TMEM150C: variants seen among roughly 807,000 people sequenced by gnomAD.
TMEM150C encodes the protein transmembrane protein 150C, also known as tentonin 3.
TMEM150C carries 10 observed loss-of-function variants against 29.9 expected under a neutral mutation model. The observed-to-expected ratio is 0.33, with a 90% confidence interval of 0.21 to 0.57. The LOEUF (loss-of-function observed/expected upper bound fraction) is 0.57. Among genes scored for constraint, TMEM150C ranks in the 20% least tolerant of loss-of-function variants. The probability of loss-of-function intolerance (pLI) is 0.88; values close to 1 mark genes in which losing one functional copy is unlikely to be tolerated. For missense variants in TMEM150C, 251 were observed against 303.6 expected, an observed-to-expected ratio of 0.83 and a Z score of 1.29; for synonymous variants, 101 against 112.5, an observed-to-expected ratio of 0.90 and a Z score of 0.64.
intron 1 of TMEM150C, among the ~76,000 whole-genome samples, chr4:82,532,666 T>G (rs905010226): frequency 6.6e-6 from 1 of 152,090 alleles, no homozygotes; most frequent in African/African-American, 2.4e-5. Context: ...CTTTAAGTTA[T>G]AGGTTACAGC....
chr4:82,485,926 G>A (rs1723145570), intron 7 of TMEM150C, among the ~76,000 whole-genome samples: 1 of 152,088 alleles, frequency 6.6e-6, no homozygotes, highest in Admixed American at 6.5e-5. Context: ...ATGCTTTTAG[G>A]TGCTTTCATG....
intron 1 of TMEM150C, among the ~76,000 whole-genome samples, chr4:82,532,919 AG>A (rs1281301075): frequency 6.6e-6 from 1 of 151,972 alleles, no homozygotes; most frequent in Non-Finnish European, 1.5e-5. Context: ...TAGTACAGAC[AG>A]GGTTTCACTG....
intron 1 of TMEM150C, among the ~76,000 whole-genome samples, chr4:82,529,449 G>A (rs188950355): frequency 3.2e-4 from 49 of 152,114 alleles, no homozygotes; most frequent in African/African-American, 1.1e-3. Flanking sequence ...TGCCATGCTT[G>A]ACTAATTTTT....
At chr4:82,529,227 T>G (rs1182485701) in intron 1 of TMEM150C, among the ~76,000 whole-genome samples, 5 of 151,774 alleles carry the variant, frequency 3.3e-5, no homozygotes, top group African/African-American at 7.3e-5. Flanking sequence ...AAGAGAGTTG[T>G]TTTTTGTTTC....
Position 82,485,184 on chromosome 4 carries a change from A to G in TMEM150C, c.*327T>C. The G allele has an allele frequency of 3.7e-6, 1 of 266,880 alleles. No homozygotes were observed. The highest frequency in any genetic ancestry group is 5.0e-5 in the South Asian group (1 of 20,042). 16.5% of individuals were successfully genotyped at this position (266,880 alleles called of 1,614,324 possible). A position where few individuals can be genotyped will look rare whatever the true frequency, so the allele number is the denominator to read the frequency against. ...TCCCAAGGAACATTTGGCCTGCCCTACTCGGTAGGGTGCTTGAGACATGTG... is the reference window on the plus strand; with the variant it reads ...TCCCAAGGAACATTTGGCCTGCCCTGCTCGGTAGGGTGCTTGAGACATGTG... On this transcript the variant is annotated 3_prime_UTR_variant, in exon 8 of 8. Transcript: ENST00000449862.
At chr4:82,521,061 C>T (rs1341458324) in intron 1 of TMEM150C, among the ~76,000 whole-genome samples, 1 of 152,138 alleles carries the variant, frequency 6.6e-6, no homozygotes, top group Non-Finnish European at 1.5e-5. Flanking sequence ...TCCCCTGTCC[C>T]GCCAGAAAGG....
intron 1 of TMEM150C, among the ~76,000 whole-genome samples, chr4:82,532,063 C>T (rs1379626934): frequency 6.6e-6 from 1 of 152,098 alleles, no homozygotes; most frequent in African/African-American, 2.4e-5. Flanking sequence ...GTTCAAAGAA[C>T]AGTCAGGATC....
chr4:82,490,335 G>A, intron 6 of TMEM150C, 97 bp from the exon 7 acceptor site: 1 of 1,058,802 alleles, frequency 9.4e-7, no homozygotes, highest in South Asian at 1.5e-5. Context: ...GATAGGAAAA[G>A]AAATATCCCA....
At chr4:82,540,081 A>G (rs901501963) in intron 1 of TMEM150C, among the ~76,000 whole-genome samples, 5 of 146,814 alleles carry the variant, frequency 3.4e-5, no homozygotes, top group African/African-American at 1.3e-4. Context: ...CTAAGCCCAA[A>G]TAAGTCATAG....
chr4:82,544,544 C>T (rs1003193886), intron 1 of TMEM150C, among the ~76,000 whole-genome samples: 1 of 152,038 alleles, frequency 6.6e-6, no homozygotes, highest in Non-Finnish European at 1.5e-5. Flanking sequence ...TTTGGGAGGC[C>T]CAGGCAGGTG....
At chr4:82,559,811 TG>T (rs1469461819) in intron 1 of TMEM150C, among the ~76,000 whole-genome samples, 1 of 152,216 alleles carries the variant, frequency 6.6e-6, no homozygotes, top group Non-Finnish European at 1.5e-5. Flanking sequence ...CTTGCTTAAT[TG>T]GTTACTGAAC....
intron 1 of TMEM150C, among the ~76,000 whole-genome samples, chr4:82,536,892 G>A (rs1240410864): frequency 6.6e-6 from 1 of 152,076 alleles, no homozygotes; most frequent in Non-Finnish European, 1.5e-5. Flanking sequence ...AAAGAAAAAT[G>A]GGCAAGAGAT....
At chr4:82,539,086 A>G (rs1397787148) in intron 1 of TMEM150C, among the ~76,000 whole-genome samples, 1 of 152,100 alleles carries the variant, frequency 6.6e-6, no homozygotes, top group Non-Finnish European at 1.5e-5. Flanking sequence ...AACAAACACA[A>G]AAGATATTTG....
In TMEM150C at chr4:82,484,921, G is replaced by A. The variant is rs765031931; in HGVS notation, c.*590C>T. On this transcript the variant is annotated 3_prime_UTR_variant, in exon 8 of 8. Coordinates refer to ENST00000449862, the MANE Select transcript of TMEM150C (RefSeq NM_001080506.3). ...TTTGCTCTCACAGTCTGTGGCATAT[G>A]TCTCTCCTGGGATCCACACAGCCGA... 2 of 152,934 alleles carry A rather than the reference G, an allele frequency of 1.3e-5. No homozygotes were observed. The highest frequency in any genetic ancestry group is 2.9e-5 in the Non-Finnish European group (2 of 68,668). 9.5% of individuals were successfully genotyped at this position (152,934 alleles called of 1,614,324 possible).
At chr4:82,550,789 CAA>C (rs751772010) in intron 1 of TMEM150C, among the ~76,000 whole-genome samples, 5 of 112,062 alleles carry the variant, frequency 4.5e-5, no homozygotes, top group Non-Finnish European at 1.9e-5. Context: ...GACTCCGTCT[CAA>C]AAAAAAAAAA....
chr4:82,530,001 A>G (rs1187938829), intron 1 of TMEM150C, among the ~76,000 whole-genome samples: 1 of 151,994 alleles, frequency 6.6e-6, no homozygotes, highest in African/African-American at 2.4e-5. Flanking sequence ...AGGAGAATTC[A>G]GAGGACGGGC....
rs1723287210 is a variant in TMEM150C, at chr4:82,490,142, C to T, written c.460G>A (p.Val154Ile). 1 of 1,614,020 alleles carries T rather than the reference C, an allele frequency of 6.2e-7. No homozygotes were observed. Among genetic ancestry groups the T allele is most frequent in the Non-Finnish European group, 8.5e-7 (1 of 1,179,884 alleles). The stretch of plus-strand genomic sequence containing the variant: ...CTCCGTCCTTCATTCTTGATGTTGA[C>T]CTTGAGTGTCAGCGCAGCCTGGATC... ...CWIQAALTLK[V>I]NIKNEGRRVG... is the part of the protein sequence containing the mutation. The change falls in exon 7 of 8, where the codon GTC (valine) becomes ATC (isoleucine). Residue 154 changes from valine to isoleucine, a missense_variant. Val to Ile is a conservative substitution (Grantham distance 29). Coordinates refer to ENST00000449862, the MANE Select transcript of TMEM150C (RefSeq NM_001080506.3).
intron 1 of TMEM150C, among the ~76,000 whole-genome samples, chr4:82,544,439 C>T (rs1371880375): frequency 6.6e-6 from 1 of 152,180 alleles, no homozygotes; most frequent in Non-Finnish European, 1.5e-5. Flanking sequence ...GAAGGCCCTG[C>T]CCACCTGACC....
intron 6 of TMEM150C, among the ~76,000 whole-genome samples, chr4:82,493,643 A>G (rs1485940323): frequency 1.3e-5 from 2 of 152,084 alleles, no homozygotes; most frequent in East Asian, 3.9e-4. Context: ...CTTCTTAGTA[A>G]CTCATCAAAG....
Sources: gnomAD v4.1 joint callset for allele counts (sites outside exome capture counted in the v4.1 genomes callset) on GRCh38, gnomAD v4.1.1 for gene constraint, MANE v1.5 for transcripts, NCBI Gene and HGNC (gene_info 2026-07-23, HGNC 2026-07-21) for gene names.